The following XIRP2 variants were observed in gnomAD, a reference collection of about 807,000 sequenced individuals.
XIRP2 encodes the protein xin actin-binding repeat-containing protein 2.
XIRP2 carries 236 observed loss-of-function variants against 277.0 expected under a neutral mutation model. That is an observed-to-expected ratio of 0.85 (90% confidence interval 0.77 to 0.95). XIRP2 has a LOEUF of 0.95. XIRP2 is among the 40% of genes least tolerant of loss of function. The pLI is 0.00. For synonymous variants in XIRP2, 1,490 were observed against 1,416.5 expected, an observed-to-expected ratio of 1.05 and a Z score of -1.17; for missense variants, 4,640 against 4,157.5, an observed-to-expected ratio of 1.12 and a Z score of -3.19.
At chr2:166,971,871 A>T (rs1686586641) in intron 2 of XIRP2, among the ~76,000 whole-genome samples, 1 of 152,254 alleles carries the variant, frequency 6.6e-6, no homozygotes, top group Non-Finnish European at 1.5e-5. Flanking sequence ...ATTTTGTATA[A>T]AGTAGTGCCC....
At position 167,136,051 on chromosome 2, in the gene XIRP2, G is replaced by C; in HGVS notation, c.551G>C (p.Arg184Pro). Residue 184 changes from arginine (R) to proline (P), a missense_variant, in exon 3 of 11, where the codon CGC becomes CCC. Arg to Pro is a moderately radical substitution (Grantham distance 103). Transcript: ENST00000409195. Reference protein sequence around the residue: ...DKMSPESGHSRIFEATAGPNK... With the variant: ...DKMSPESGHSPIFEATAGPNK... The stretch of plus-strand genomic sequence containing the variant: ...ATGTCACCTGAAAGTGGTCACAGCC[G>C]CATCTTTGAAGGTTAGCATAACATT... 6.2e-7 allele frequency: 1 copy of C among 1,600,350 alleles called. No homozygotes were observed. The highest frequency in any genetic ancestry group is 1.1e-5 in the South Asian group (1 of 88,712).
intron 2 of XIRP2, among the ~76,000 whole-genome samples, chr2:166,966,697 A>G (rs1686442571): frequency 1.3e-5 from 2 of 152,120 alleles, no homozygotes; most frequent in South Asian, 4.1e-4. Flanking sequence ...TATTGCTATA[A>G]AGAGACAAAT....
intron 2 of XIRP2, among the ~76,000 whole-genome samples, chr2:166,968,726 T>C (rs1008617329): frequency 6.6e-6 from 1 of 152,018 alleles, no homozygotes; most frequent in African/African-American, 2.4e-5. Context: ...ATCATTAACC[T>C]TTAAAGGTAA....
intron 2 of XIRP2, among the ~76,000 whole-genome samples, chr2:166,942,807 A>G (rs1558925113): frequency 6.6e-6 from 1 of 152,190 alleles, no homozygotes. Flanking sequence ...AGCCTTGAAG[A>G]GAGACTGTTT....
chr2:167,092,791 G>C (rs1690183741), intron 2 of XIRP2, among the ~76,000 whole-genome samples: 1 of 152,112 alleles, frequency 6.6e-6, no homozygotes, highest in Non-Finnish European at 1.5e-5. Flanking sequence ...ATGATTATTT[G>C]TGAGTTGTAG....
chr2:167,063,458 T>C (rs1458274848), intron 2 of XIRP2, among the ~76,000 whole-genome samples: 13 of 151,944 alleles, frequency 8.6e-5, no homozygotes, highest in Admixed American at 8.5e-4. Context: ...TATATCCTAT[T>C]GGTTTTCTTT....
intron 2 of XIRP2, among the ~76,000 whole-genome samples, chr2:166,933,204 A>G (rs1259630407): frequency 6.6e-6 from 1 of 150,678 alleles, no homozygotes; most frequent in African/African-American, 2.4e-5. Flanking sequence ...GCTGGAGTGC[A>G]ATGGCGTGAT....
intron 2 of XIRP2, among the ~76,000 whole-genome samples, chr2:166,988,676 C>T (rs1390363287): frequency 9.2e-6 from 1 of 109,150 alleles, no homozygotes; most frequent in Non-Finnish European, 1.8e-5. Flanking sequence ...TCAGGGAGTT[C>T]CCTTTCCGAG....
chr2:167,235,673 A>G (rs1029354198), intron 5 of XIRP2, among the ~76,000 whole-genome samples: 2 of 152,064 alleles, frequency 1.3e-5, no homozygotes, highest in African/African-American at 2.4e-5. Flanking sequence ...TGCACCCTGT[A>G]TAGAAGTCAG....
At chr2:166,939,854 A>G (rs1003201268) in intron 2 of XIRP2, among the ~76,000 whole-genome samples, 2 of 152,048 alleles carry the variant, frequency 1.3e-5, no homozygotes, top group African/African-American at 4.8e-5. Flanking sequence ...GGGTAACCCG[A>G]CCTTTCTCTC....
intron 2 of XIRP2, among the ~76,000 whole-genome samples, chr2:167,024,315 CTT>C (rs1490115556): frequency 6.6e-6 from 1 of 152,104 alleles, no homozygotes; most frequent in African/African-American, 2.4e-5. Flanking sequence ...TATCCTGAGA[CTT>C]TGCTGAAGTT....
At chr2:167,193,118 T>C (rs1453300757) in intron 3 of XIRP2, among the ~76,000 whole-genome samples, 1 of 152,194 alleles carries the variant, frequency 6.6e-6, no homozygotes, top group African/African-American at 2.4e-5. Flanking sequence ...GAAATGAAAT[T>C]TGGAAGGCAT....
chr2:167,134,474 G>A (rs1691483790), intron 2 of XIRP2, among the ~76,000 whole-genome samples: 1 of 151,988 alleles, frequency 6.6e-6, no homozygotes, highest in African/African-American at 2.4e-5. Context: ...GCTTTTAGCT[G>A]TCTCTCAAAC....
chr2:167,160,433 C>T (rs529744315), intron 3 of XIRP2, among the ~76,000 whole-genome samples: 16 of 152,252 alleles, frequency 1.1e-4, no homozygotes, highest in African/African-American at 2.4e-4. Context: ...AAGACATACC[C>T]GAGACTGGGC....
Position 167,247,913 on chromosome 2 carries a change from GA to G in XIRP2, c.6523del (p.Thr2175LeufsTer14), listed in dbSNP as rs1270233573. On this transcript the variant is annotated frameshift_variant, in exon 9 of 11. Transcript: ENST00000409195. LOFTEE classifies it high-confidence loss of function. ...CATCCAGTCAGCATGCCAGTTGGAG[GA>G]ACTTACGACCTTTCAGGGGACTTTC... ...TQHPVSMPVG[G>X]TYDLSGDFQK... is the part of the protein sequence containing the mutation. 6.8e-6 allele frequency: 11 copies of G among 1,613,172 alleles called. No homozygotes were observed. The African/African-American group carries it at 1.3e-4, about 20-fold the overall frequency.
intron 1 of XIRP2, among the ~76,000 whole-genome samples, chr2:166,888,973 C>T (rs922693088): frequency 2.0e-5 from 3 of 152,176 alleles, no homozygotes; most frequent in Admixed American, 6.5e-5. Flanking sequence ...CTCCTTTCTT[C>T]CTTCGTTCCA....
chr2:167,172,818 A>C (rs1041996998), intron 3 of XIRP2, among the ~76,000 whole-genome samples: 11 of 152,188 alleles, frequency 7.2e-5, no homozygotes, highest in African/African-American at 2.4e-4. Flanking sequence ...TCCTGAGGTG[A>C]CATTCATCCT....
At chr2:167,212,913 G>GCACACA (rs58755599) in intron 4 of XIRP2, among the ~76,000 whole-genome samples, 14 of 36,412 alleles carry the variant, frequency 3.8e-4, no homozygotes, top group African/African-American at 1.3e-3. Context: ...CCACCCCTCT[G>GCACACA]CACACACACA....
intron 2 of XIRP2, among the ~76,000 whole-genome samples, chr2:166,934,195 CAAAAAAAAAA>C (rs750753001): frequency 1.4e-5 from 1 of 71,570 alleles, no homozygotes; most frequent in Non-Finnish European, 2.9e-5. Flanking sequence ...AAATCAACAG[CAAAAAAAAAA>C]AAAAAAAAAC....
Sources: allele counts gnomAD v4.1 joint callset (sites outside exome capture counted in the v4.1 genomes callset), GRCh38; gene constraint gnomAD v4.1.1; transcripts MANE v1.5; gene names NCBI Gene and HGNC (gene_info 2026-07-23, HGNC 2026-07-21).